CPNE4: variants seen among roughly 807,000 people sequenced by gnomAD.
The protein encoded by CPNE4 is copine 4.
CPNE4 carries 25 observed loss-of-function variants against 67.9 expected under a neutral mutation model. The observed-to-expected ratio is 0.37, with a 90% CI of 0.27 to 0.51. The LOEUF is 0.51. CPNE4 is among the 20% of genes least tolerant of loss of function. The probability of loss-of-function intolerance (pLI) is 0.93; values close to 1 mark genes in which losing one functional copy is unlikely to be tolerated. For synonymous variants in CPNE4, 242 were observed against 244.9 expected (o/e 0.99, Z 0.11); for missense variants, 464 against 690.8 (o/e 0.67, Z 3.68).
At position 131,656,503 on chromosome 3, in the gene CPNE4, G is replaced by A. The variant is rs139469281; in HGVS notation, c.681+13172C>T. 5.7e-3 allele frequency among the ~76,000 whole-genome samples: 861 copies of A among 152,230 alleles called. 38 individuals carry two copies. Among genetic ancestry groups the A allele is most frequent in the Admixed American group, 0.048 (727 of 15,296 alleles). On this transcript the variant is annotated intron_variant, in intron 7 of 15. Transcript: ENST00000429747. ...CTGGTACAATGTCATCAATGGTATC[G>A]AGCTAATGTAACTATGGGCTTGTGT... is the stretch of plus-strand genomic sequence containing the variant.
At chr3:131,732,029 T>G (rs1029931840) in intron 2 of CPNE4, among the ~76,000 whole-genome samples, 3 of 152,172 alleles carry the variant, frequency 2.0e-5, no homozygotes, top group African/African-American at 7.2e-5. Context: ...GTGATTCCAA[T>G]GCACAGTTAA....
chr3:131,645,265 A>G (rs1475717453), intron 7 of CPNE4, among the ~76,000 whole-genome samples: 1 of 152,222 alleles, frequency 6.6e-6, no homozygotes, highest in East Asian at 1.9e-4. Flanking sequence ...AGTTACAGAT[A>G]ATATCTCTGC....
At chr3:131,659,614 TA>T (rs1020603483) in intron 7 of CPNE4, among the ~76,000 whole-genome samples, 2 of 152,166 alleles carry the variant, frequency 1.3e-5, no homozygotes, top group Non-Finnish European at 1.5e-5. Context: ...AAACATTTTT[TA>T]AAAAAATCAA....
intron 2 of CPNE4, among the ~76,000 whole-genome samples, chr3:131,859,521 A>C (rs1337933976): frequency 6.6e-6 from 1 of 152,126 alleles, no homozygotes; most frequent in African/African-American, 2.4e-5. Context: ...AAACTTCTTG[A>C]GAGTGGGTGG....
intron 2 of CPNE4, among the ~76,000 whole-genome samples, chr3:131,779,267 A>C (rs1000275068): frequency 5.3e-5 from 8 of 152,144 alleles, no homozygotes; most frequent in African/African-American, 1.9e-4. Context: ...TGCCTGAAAC[A>C]ATTTACAGAT....
chr3:131,756,090 G>A (rs188083549), intron 2 of CPNE4, among the ~76,000 whole-genome samples: 5 of 152,178 alleles, frequency 3.3e-5, no homozygotes, highest in African/African-American at 1.2e-4. Context: ...TAAAGAAACA[G>A]CGAGTAAAAA....
At chr3:131,734,371 G>A (rs1425960560) in intron 2 of CPNE4, among the ~76,000 whole-genome samples, 2 of 152,132 alleles carry the variant, frequency 1.3e-5, no homozygotes, top group African/African-American at 4.8e-5. Flanking sequence ...AATGGCAGTG[G>A]GTTTCATCCT....
rs550387598 is a variant in CPNE4 at position 131,834,257 on chromosome 3, A to G, written c.180+71007T>C. Among the ~76,000 whole-genome samples the G allele has an allele frequency of 3.3e-5, 5 of 152,292 alleles. No homozygotes were observed. In the East Asian group the frequency reaches 7.7e-4, roughly 23 times the overall value. On this transcript the variant is annotated intron_variant, in intron 2 of 15. Coordinates refer to ENST00000429747, the MANE Select transcript of CPNE4 (RefSeq NM_130808.3). The stretch of plus-strand genomic sequence containing the variant: ...TTTCTTCCTTTATTAGTATTATGGA[A>G]CAGCCAGACTTAATTATCTCCTTTT...
chr3:131,571,982 C>A (rs899049396), intron 10 of CPNE4, among the ~76,000 whole-genome samples: 8 of 151,962 alleles, frequency 5.3e-5, no homozygotes, highest in Non-Finnish European at 1.0e-4. Flanking sequence ...TAAAGCAAAA[C>A]CCCAATATCA....
At chr3:131,895,049 G>A (rs533128514) in intron 2 of CPNE4, among the ~76,000 whole-genome samples, 1 of 152,022 alleles carries the variant, frequency 6.6e-6, no homozygotes, top group African/African-American at 2.4e-5. Context: ...GTGAAATCTT[G>A]TTATTTGCAT....
chr3:131,623,500 C>A (rs1940584728), intron 7 of CPNE4, among the ~76,000 whole-genome samples: 1 of 152,200 alleles, frequency 6.6e-6, no homozygotes. Flanking sequence ...CTCTCAAGAA[C>A]TGTCATTCTT....
At chr3:132,014,603 ATCTC>A (rs535862968) in intron 1 of CPNE4, among the ~76,000 whole-genome samples, 4 of 152,058 alleles carry the variant, frequency 2.6e-5, no homozygotes, top group South Asian at 4.2e-4. Flanking sequence ...CACTATTTTA[ATCTC>A]TCTCTTTGTT....
At chr3:131,885,128 T>C (rs9874818) in intron 2 of CPNE4, among the ~76,000 whole-genome samples, 43,793 of 152,028 alleles carry the variant, frequency 0.29, 7,378 homozygotes, top group Non-Finnish European at 0.37. Flanking sequence ...TTGAATGGCT[T>C]TGACAAAAAT....
intron 5 of CPNE4, among the ~76,000 whole-genome samples, chr3:131,690,374 G>C (rs1013561828): frequency 6.6e-6 from 1 of 152,118 alleles, no homozygotes; most frequent in East Asian, 1.9e-4. Context: ...AGAGAATCCA[G>C]AAATAAAGCC....
chr3:131,668,960 G>T (rs2080330028), intron 7 of CPNE4, among the ~76,000 whole-genome samples: 1 of 152,110 alleles, frequency 6.6e-6, no homozygotes, highest in Non-Finnish European at 1.5e-5. Flanking sequence ...TTTTAAATCT[G>T]TAATGACCAT....
chr3:131,723,628 G>A lies in CPNE4; in HGVS notation c.181-3C>T, dbSNP rs764389017. 3.7e-6 allele frequency: 6 copies of A among 1,607,096 alleles called. No individual in the cohort carries two copies. The highest frequency in any genetic ancestry group is 5.1e-6 in the Non-Finnish European group (6 of 1,175,830). The stretch of plus-strand genomic sequence containing the variant: ...CGAATCACCTCAGTCCTGTCAACCT[G>A]CAAGGAGAAAGAGAAAACCTATCAG... On this transcript the variant is annotated splice_polypyrimidine_tract_variant and splice_region_variant and intron_variant, in intron 2 of 15. Coordinates refer to ENST00000429747, the MANE Select transcript of CPNE4 (RefSeq NM_130808.3).
At chr3:131,902,787 T>A (rs1425729800) in intron 2 of CPNE4, among the ~76,000 whole-genome samples, 1 of 152,154 alleles carries the variant, frequency 6.6e-6, no homozygotes, top group East Asian at 1.9e-4. Context: ...AGGAGTTACT[T>A]TTTTATAATG....
chr3:131,719,216 T>G (rs1020271432), intron 3 of CPNE4, among the ~76,000 whole-genome samples: 1 of 152,196 alleles, frequency 6.6e-6, no homozygotes, highest in African/African-American at 2.4e-5. Flanking sequence ...TGACCTCCTC[T>G]CATCCTTCCC....
At chr3:131,630,839 G>A (rs183217876) in intron 7 of CPNE4, among the ~76,000 whole-genome samples, 2 of 152,340 alleles carry the variant, frequency 1.3e-5, no homozygotes, top group East Asian at 3.9e-4. Context: ...AAATATAGTA[G>A]ATGTAGAGAT....
Sources: allele counts gnomAD v4.1 joint callset (sites outside exome capture counted in the v4.1 genomes callset), GRCh38; gene constraint gnomAD v4.1.1; transcripts MANE v1.5; gene names NCBI Gene and HGNC (gene_info 2026-07-23, HGNC 2026-07-21).